RNF128: variants seen among roughly 807,000 people sequenced by gnomAD.
The protein encoded by RNF128 is ring finger protein 128.
Under a neutral mutation model 26.2 loss-of-function variants are expected in RNF128, and 13 were observed. The observed-to-expected ratio is 0.50, with a 90% confidence interval of 0.32 to 0.79. The LOEUF (loss-of-function observed/expected upper bound fraction) is 0.79. RNF128 is among the 30% of genes least tolerant of loss of function. The probability of loss-of-function intolerance (pLI) is 0.03; values close to 1 mark genes in which losing one functional copy is unlikely to be tolerated. For synonymous variants in RNF128, 149 were observed against 142.5 expected, an observed-to-expected ratio of 1.05 and a Z score of -0.32; for missense variants, 315 against 349.7, an observed-to-expected ratio of 0.90 and a Z score of 0.79.
At chrX:106,696,194 A>G (rs1232328820) in intron 1 of RNF128, among the ~76,000 whole-genome samples, 1 of 111,809 alleles carries the variant, frequency 8.9e-6, no homozygotes, top group Non-Finnish European at 1.9e-5. Flanking sequence ...GATAGTTAAC[A>G]TTTACTGGCA....
intron 1 of RNF128, among the ~76,000 whole-genome samples, chrX:106,717,619 G>T (rs1456103950): frequency 8.9e-6 from 1 of 112,069 alleles, no homozygotes; most frequent in African/African-American, 3.2e-5. Context: ...TTATTCTAAT[G>T]AATAGAGCAG....
chrX:106,716,532 T>C (rs1929219433), intron 1 of RNF128, among the ~76,000 whole-genome samples: 1 of 111,514 alleles, frequency 9.0e-6, no homozygotes, highest in Non-Finnish European at 1.9e-5. Flanking sequence ...TAAATGACTG[T>C]ATATATTTGT....
At chrX:106,773,181 C>T in intron 2 of RNF128, 21 bp downstream of exon 2, 3 of 1,183,378 alleles carry the variant, frequency 2.5e-6, no homozygotes, top group Non-Finnish European at 3.4e-6. Flanking sequence ...GTCCTTTCTT[C>T]CACTATTAAA....
At chrX:106,717,064 G>T (rs1929229369) in intron 1 of RNF128, among the ~76,000 whole-genome samples, 1 of 110,456 alleles carries the variant, frequency 9.1e-6, no homozygotes, top group African/African-American at 3.3e-5. Context: ...TTAGCCTGGC[G>T]TGGTGGCGGG....
At chrX:106,758,757 C>A (rs768224215) in intron 1 of RNF128, among the ~76,000 whole-genome samples, 1 of 111,678 alleles carries the variant, frequency 9.0e-6, no homozygotes, top group Non-Finnish European at 1.9e-5. Context: ...AGACCCGTAT[C>A]TCCTGCCATA....
At position 106,718,379 on chromosome X, in the gene RNF128, T is replaced by C; in HGVS notation, c.406+23971T>C. On this transcript the variant is annotated intron_variant, in intron 1 of 6. Transcript: ENST00000324342. ...TCCTTGCCTCTGATAAAAGACTTTCTGTGGCTCTAGAGTTGGCAGCATCCA... is the reference window on the plus strand; with the variant it reads ...TCCTTGCCTCTGATAAAAGACTTTCCGTGGCTCTAGAGTTGGCAGCATCCA... 3.6e-5 allele frequency among the ~76,000 whole-genome samples: 4 copies of C among 111,983 alleles called. 1 individual carries two copies. In the Middle Eastern group the frequency reaches 0.018, roughly 514 times the overall value.
intron 1 of RNF128, among the ~76,000 whole-genome samples, chrX:106,700,369 G>A (rs182038427): frequency 2.9e-3 from 325 of 111,113 alleles, no homozygotes; most frequent in African/African-American, 0.01. Flanking sequence ...CCACTAGATT[G>A]TAAGTTCCAG....
chrX:106,795,362 G>T (rs761974410), intron 6 of RNF128, among the ~76,000 whole-genome samples: 47 of 111,207 alleles, frequency 4.2e-4, no homozygotes, highest in Non-Finnish European at 8.9e-4. Context: ...ACATGTACGT[G>T]AATCAAAAAA....
intron 6 of RNF128, among the ~76,000 whole-genome samples, chrX:106,792,532 A>G (rs1484582397): frequency 4.5e-5 from 5 of 111,013 alleles, no homozygotes; most frequent in Non-Finnish European, 7.6e-5. Context: ...AATTCTTCCC[A>G]CTTCCCCTTC....
intron 1 of RNF128, among the ~76,000 whole-genome samples, chrX:106,761,493 G>T (rs1278821341): frequency 9.0e-6 from 1 of 111,344 alleles, no homozygotes; most frequent in Non-Finnish European, 1.9e-5. Context: ...GTTCATCACA[G>T]CACTATTTAC....
At chrX:106,695,999 A>G (rs2147655283) in intron 1 of RNF128, among the ~76,000 whole-genome samples, 1 of 111,935 alleles carries the variant, frequency 8.9e-6, no homozygotes, top group African/African-American at 3.2e-5. Context: ...CAAAAGAAAC[A>G]TGTGCATAAT....
chrX:106,791,439 G>T (rs1930824982), intron 6 of RNF128, among the ~76,000 whole-genome samples: 1 of 111,542 alleles, frequency 9.0e-6, no homozygotes, highest in African/African-American at 3.3e-5. Context: ...AAATGCATCA[G>T]AGTGGGGATT....
intron 1 of RNF128, among the ~76,000 whole-genome samples, chrX:106,737,776 T>A (rs1295144527): frequency 8.9e-6 from 1 of 111,781 alleles, no homozygotes; most frequent in Non-Finnish European, 1.9e-5. Context: ...CAATCTATAT[T>A]GAACACAATT....
chrX:106,737,882 T>G (rs1929628075), intron 1 of RNF128, among the ~76,000 whole-genome samples: 2 of 112,234 alleles, frequency 1.8e-5, no homozygotes, highest in South Asian at 7.4e-4. Context: ...TGAAACTGGA[T>G]GGTGTGAAAT....
chrX:106,700,855 T>A (rs1928946773), intron 1 of RNF128, among the ~76,000 whole-genome samples: 1 of 112,238 alleles, frequency 8.9e-6, no homozygotes, highest in South Asian at 3.7e-4. Flanking sequence ...GTTATGTTCA[T>A]GTCAGTAAAT....
intron 2 of RNF128, 108 bp downstream of exon 2, chrX:106,773,268 A>G: frequency 2.6e-6 from 2 of 773,298 alleles, no homozygotes; most frequent in Non-Finnish European, 3.7e-6. Flanking sequence ...TGATCTCCCC[A>G]TATGTTTTAC....
chrX:106,775,458 A>T (rs987773758), intron 2 of RNF128, among the ~76,000 whole-genome samples: 3 of 112,045 alleles, frequency 2.7e-5, no homozygotes, highest in African/African-American at 9.7e-5. Context: ...TTTAATTTTC[A>T]TAGTTTATAA....
At chrX:106,707,836 C>G (rs1242160102) in intron 1 of RNF128, among the ~76,000 whole-genome samples, 3 of 111,193 alleles carry the variant, frequency 2.7e-5, no homozygotes, top group African/African-American at 9.8e-5. Context: ...AAAAGTACTA[C>G]TGATAACTTA....
At chrX:106,701,061 T>C (rs1173371312) in intron 1 of RNF128, among the ~76,000 whole-genome samples, 1 of 112,178 alleles carries the variant, frequency 8.9e-6, no homozygotes, top group African/African-American at 3.2e-5. Context: ...CTTGTATCAC[T>C]ATTGTTGACC....
Sources: allele counts gnomAD v4.1 joint callset (sites outside exome capture counted in the v4.1 genomes callset), GRCh38; gene constraint gnomAD v4.1.1; transcripts MANE v1.5; gene names NCBI Gene and HGNC (gene_info 2026-07-23, HGNC 2026-07-21).